The following SCHIP1 variants were observed in gnomAD, a reference collection of about 807,000 sequenced individuals.
The protein encoded by SCHIP1 is schwannomin-interacting protein 1.
In SCHIP1, 8 loss-of-function variants were observed where a neutral mutation model predicts 29.7. The ratio of observed to expected loss-of-function variants is 0.27; its 90% CI spans 0.16 to 0.49. SCHIP1 has a LOEUF of 0.49. Ranked by LOEUF, SCHIP1 falls within the 20% of genes least tolerant of loss-of-function variation. SCHIP1 has a pLI of 0.99. For missense variants in SCHIP1, 193 were observed against 294.6 expected (o/e 0.66, Z 2.52); for synonymous variants, 76 against 94.9 (o/e 0.80, Z 1.16).
At chr3:159,572,079 T>G in the SCHIP1 span, among the ~76,000 whole-genome samples, 11 of 152,316 alleles carry the variant, frequency 7.2e-5, no homozygotes, top group East Asian at 1.9e-3. Context: ...AAAAACCAGC[T>G]CCTGGATTGA....
the SCHIP1 span, among the ~76,000 whole-genome samples, chr3:159,800,426 A>G: frequency 6.6e-6 from 1 of 152,192 alleles, no homozygotes; most frequent in African/African-American, 2.4e-5. Flanking sequence ...AAGGGAACCA[A>G]TTCAAAGCCA....
At chr3:159,638,140 T>C in the SCHIP1 span, among the ~76,000 whole-genome samples, 1 of 152,106 alleles carries the variant, frequency 6.6e-6, no homozygotes, top group Non-Finnish European at 1.5e-5. Context: ...TGGACTGGCC[T>C]AGAAGATACA....
At chr3:159,365,176 G>A in the SCHIP1 span, among the ~76,000 whole-genome samples, 1 of 152,284 alleles carries the variant, frequency 6.6e-6, no homozygotes, top group South Asian at 2.1e-4. Flanking sequence ...AGAGACGGCA[G>A]TCTTGACAGG....
the SCHIP1 span, among the ~76,000 whole-genome samples, chr3:159,683,503 A>G: frequency 1.3e-5 from 2 of 152,054 alleles, no homozygotes; most frequent in Non-Finnish European, 1.5e-5. Context: ...CATTCTTTCA[A>G]TGAGAACCTG....
the SCHIP1 span, among the ~76,000 whole-genome samples, chr3:159,761,224 C>A: frequency 6.6e-6 from 1 of 152,188 alleles, no homozygotes. Flanking sequence ...GGGCAGGAAT[C>A]AGTTGGGAAA....
chr3:159,334,302 A>G, the SCHIP1 span, among the ~76,000 whole-genome samples: 1 of 152,280 alleles, frequency 6.6e-6, no homozygotes, highest in Middle Eastern at 3.4e-3. Flanking sequence ...CGATGAAGAT[A>G]ATCTATAGAG....
the SCHIP1 span, among the ~76,000 whole-genome samples, chr3:159,802,719 A>T: frequency 1.3e-5 from 2 of 152,168 alleles, no homozygotes; most frequent in African/African-American, 4.8e-5. Context: ...GAAAACATAA[A>T]CAGTGGATAT....
chr3:159,722,551 A>G, the SCHIP1 span: 1 of 152,150 alleles, frequency 6.6e-6, no homozygotes, highest in African/African-American at 2.4e-5. Flanking sequence ...TTATTTCCCC[A>G]ATTGTTTAAT....
the SCHIP1 span, among the ~76,000 whole-genome samples, chr3:159,493,459 T>C: frequency 9.9e-5 from 15 of 152,092 alleles, no homozygotes; most frequent in East Asian, 1.5e-3. Flanking sequence ...ATCCTAGTCT[T>C]GGATAAAACA....
At chr3:159,524,062 G>T in the SCHIP1 span, among the ~76,000 whole-genome samples, 1 of 152,138 alleles carries the variant, frequency 6.6e-6, no homozygotes, top group Non-Finnish European at 1.5e-5. Context: ...TGAAGGCACA[G>T]ATCCTGGTCT....
the SCHIP1 span, among the ~76,000 whole-genome samples, chr3:159,551,770 T>C: frequency 6.6e-6 from 1 of 152,134 alleles, no homozygotes; most frequent in Non-Finnish European, 1.5e-5. Flanking sequence ...TTGAATAAAA[T>C]TGGCTAAAAA....
At chr3:159,711,080 T>C in the SCHIP1 span, among the ~76,000 whole-genome samples, 1 of 152,166 alleles carries the variant, frequency 6.6e-6, no homozygotes, top group Non-Finnish European at 1.5e-5. Context: ...CTAGTTTCAT[T>C]GTTCAGTAAA....
At chr3:159,495,946 G>C in the SCHIP1 span, among the ~76,000 whole-genome samples, 2 of 152,216 alleles carry the variant, frequency 1.3e-5, no homozygotes, top group Non-Finnish European at 2.9e-5. Context: ...CAGAAATAAT[G>C]CCGCATATCT....
the SCHIP1 span, chr3:159,274,990 A>C: frequency 3.1e-6 from 3 of 983,208 alleles, no homozygotes; most frequent in Non-Finnish European, 3.6e-6. Flanking sequence ...TTCCAAGTGA[A>C]TTACTGTTGC....
At chr3:159,539,912 T>C in the SCHIP1 span, among the ~76,000 whole-genome samples, 11 of 152,078 alleles carry the variant, frequency 7.2e-5, 2 homozygotes, top group Non-Finnish European at 2.9e-5. Context: ...TTAGGAAATA[T>C]AGTCATTTCA....
At chr3:159,754,368 AT>A in the SCHIP1 span, among the ~76,000 whole-genome samples, 8 of 151,916 alleles carry the variant, frequency 5.3e-5, no homozygotes. Flanking sequence ...TGTTATTGAA[AT>A]TTTTCTTGAT....
At chr3:159,506,178 G>A in the SCHIP1 span, among the ~76,000 whole-genome samples, 3 of 152,290 alleles carry the variant, frequency 2.0e-5, 1 homozygote, top group East Asian at 1.9e-4. Context: ...GGTGTGAGAT[G>A]GTATCTCATT....
At chr3:159,400,246 T>C in the SCHIP1 span, among the ~76,000 whole-genome samples, 85 of 152,224 alleles carry the variant, frequency 5.6e-4, 4 homozygotes. Flanking sequence ...GAAGCAATGA[T>C]GCACATGATT....
the SCHIP1 span, among the ~76,000 whole-genome samples, chr3:159,523,578 T>C: frequency 6.6e-6 from 1 of 152,200 alleles, no homozygotes; most frequent in Non-Finnish European, 1.5e-5. Context: ...TGTGTGCGTG[T>C]GTGTGTGTGA....
Sources: allele counts gnomAD v4.1 joint callset (sites outside exome capture counted in the v4.1 genomes callset), GRCh38; gene constraint gnomAD v4.1.1; transcripts MANE v1.5; gene names NCBI Gene and HGNC (gene_info 2026-07-23, HGNC 2026-07-21).